The following SLC37A3 variants were observed in gnomAD, a reference collection of about 807,000 sequenced individuals.
SLC37A3 encodes the protein solute carrier family 37 member 3.
In SLC37A3, 51 loss-of-function variants were observed where a neutral mutation model predicts 67.1. That is an observed-to-expected ratio of 0.76 (90% CI 0.61 to 0.96). The LOEUF is 0.96. Among genes scored for constraint, SLC37A3 ranks in the 40% least tolerant of loss-of-function variants. SLC37A3 has a pLI of 0.00. For synonymous variants in SLC37A3, 214 were observed against 231.4 expected, an observed-to-expected ratio of 0.92 and a Z score of 0.68; for missense variants, 508 against 603.0, an observed-to-expected ratio of 0.84 and a Z score of 1.65.
intron 1 of SLC37A3, among the ~76,000 whole-genome samples, chr7:140,396,408 G>A (rs748566857): frequency 6.6e-6 from 1 of 151,968 alleles, no homozygotes; most frequent in East Asian, 1.9e-4. Context: ...TAATTCATCC[G>A]TCTTCCTGTA....
chr7:140,391,019 G>C (rs1798706768), intron 1 of SLC37A3, among the ~76,000 whole-genome samples: 1 of 152,074 alleles, frequency 6.6e-6, no homozygotes, highest in Non-Finnish European at 1.5e-5. Flanking sequence ...TCACTTTTTA[G>C]ATTCAAAACC....
intron 11 of SLC37A3, 109 bp from the exon 12 acceptor site, chr7:140,345,372 C>A: frequency 1.3e-6 from 1 of 776,692 alleles, no homozygotes. Context: ...AAATCACTCC[C>A]AGAGACAACA....
intron 7 of SLC37A3, 41 bp downstream of exon 7, chr7:140,355,626 AG>A: frequency 1.1e-5 from 8 of 710,502 alleles, no homozygotes; most frequent in Non-Finnish European, 1.6e-5. Context: ...ATGTGCACAC[AG>A]AGAGAGAGAG....
At chr7:140,345,522 A>C (rs2117044950) in intron 11 of SLC37A3, among the ~76,000 whole-genome samples, 1 of 152,264 alleles carries the variant, frequency 6.6e-6, no homozygotes, top group South Asian at 2.1e-4. Flanking sequence ...AATATACCAA[A>C]CCTACTAATT....
At position 140,335,358 on chromosome 7, in the gene SLC37A3, G is replaced by C; in HGVS notation, c.*54C>G. The C allele has an allele frequency of 6.2e-7, 1 of 1,614,148 alleles. No homozygotes were observed. The highest frequency in any genetic ancestry group is 8.5e-7 in the Non-Finnish European group (1 of 1,180,032). ...AAACCCAAATTAGGGCAGACTCGAA[G>C]CCCCAGCGGTCCTGATGTGGCTGAC... On this transcript the variant is annotated 3_prime_UTR_variant, in exon 15 of 15. Coordinates refer to ENST00000326232, the MANE Select transcript of SLC37A3 (RefSeq NM_207113.3).
chr7:140,359,303 A>T (rs977134542), intron 5 of SLC37A3, among the ~76,000 whole-genome samples: 1 of 150,900 alleles, frequency 6.6e-6, no homozygotes, highest in Non-Finnish European at 1.5e-5. Context: ...AGATCGTGCC[A>T]CTGCACTCCA....
chr7:140,358,791 A>G lies in SLC37A3; in HGVS notation c.376-6T>C. ...AGCGCACCAAAGACAAACACCTTGA[A>G]GAGGAGGAAACAAAAGGAATATGTA... On this transcript the variant is annotated splice_polypyrimidine_tract_variant and splice_region_variant and intron_variant, in intron 5 of 14. Transcript: ENST00000326232. 1 of 1,614,104 alleles carries G rather than the reference A, an allele frequency of 6.2e-7. No individual in the cohort carries two copies. The highest frequency in any genetic ancestry group is 1.7e-5 in the Admixed American group (1 of 60,010).
chr7:140,349,560 G>C (rs1026982230), intron 9 of SLC37A3, among the ~76,000 whole-genome samples: 1 of 151,926 alleles, frequency 6.6e-6, no homozygotes, highest in Non-Finnish European at 1.5e-5. Flanking sequence ...CAGAGGGGCT[G>C]ACTTCAAAGG....
intron 3 of SLC37A3, among the ~76,000 whole-genome samples, chr7:140,375,412 T>G (rs1259744226): frequency 1.5e-4 from 23 of 150,854 alleles, no homozygotes; most frequent in Admixed American, 1.5e-3. Context: ...GAGGCGGAGG[T>G]TGCAGTGAGC....
intron 9 of SLC37A3, 114 bp from the exon 10 acceptor site, chr7:140,348,881 G>A (rs760493087): frequency 3.0e-5 from 39 of 1,281,876 alleles, no homozygotes; most frequent in Non-Finnish European, 4.2e-5. Flanking sequence ...AACAGAACCT[G>A]ATTTTACAGT....
chr7:140,371,441 G>C (rs1007926192), intron 3 of SLC37A3, among the ~76,000 whole-genome samples: 2 of 152,214 alleles, frequency 1.3e-5, no homozygotes, highest in Admixed American at 6.5e-5. Context: ...CAAAGTGCTG[G>C]GATTACAGGC....
rs776791621 is a variant in SLC37A3, at chr7:140,340,620, C to CT, written c.1326+2791dup. Among the ~76,000 whole-genome samples, 606 of 140,644 alleles carry CT rather than the reference C, an allele frequency of 4.3e-3. 5 individuals are homozygous for CT. The highest frequency in any genetic ancestry group is 0.024 in the East Asian group (116 of 4,880). 92.3% of individuals were successfully genotyped at this position (140,644 alleles called of 152,430 possible). A position where few individuals can be genotyped will look rare whatever the true frequency, so the allele number is the denominator to read the frequency against. ...GGCTCCAAACTGACTGCAACTTTGT[C>CT]TTTTTTTTTTTTTTTAGACAGGGTC... is the stretch of plus-strand genomic sequence containing the variant. On this transcript the variant is annotated intron_variant, in intron 13 of 14. Coordinates refer to ENST00000326232, the MANE Select transcript of SLC37A3 (RefSeq NM_207113.3).
At chr7:140,391,154 T>C (rs1381364123) in intron 1 of SLC37A3, among the ~76,000 whole-genome samples, 1 of 149,278 alleles carries the variant, frequency 6.7e-6, no homozygotes, top group African/African-American at 2.5e-5. Context: ...CTTTCTCTCC[T>C]CCTTCCTCTG....
rs576353642 is a variant in SLC37A3, at chr7:140,334,483, C to G, written c.*929G>C. On this transcript the variant is annotated 3_prime_UTR_variant, in exon 15 of 15. Transcript: ENST00000326232. ...ATTCTAGTCTTCTGCTGAGGTAACTCCAGGAAGCTGCTTGTGCCAGAGATC... is the reference window on the plus strand; with the variant it reads ...ATTCTAGTCTTCTGCTGAGGTAACTGCAGGAAGCTGCTTGTGCCAGAGATC... 6.5e-6 allele frequency: 1 copy of G among 152,690 alleles called. No homozygotes were observed. The highest frequency in any genetic ancestry group is 1.9e-4 in the East Asian group (1 of 5,184). The allele number at this position is 152,690 out of a possible 1,614,324, so 9.5% of individuals were successfully genotyped here. A position where few individuals can be genotyped will look rare whatever the true frequency, so the allele number is the denominator to read the frequency against.
rs1001697077 is a variant in SLC37A3 at position 140,339,339 on chromosome 7, C to T, written c.1327-1990G>A. ...GCAGTGGTGTGATCTTGGCTCACTGCAACCTCCGCCTCCCAGGTTCAAGCG... is the reference window on the plus strand; with the variant it reads ...GCAGTGGTGTGATCTTGGCTCACTGTAACCTCCGCCTCCCAGGTTCAAGCG... On this transcript the variant is annotated intron_variant, in intron 13 of 14. Transcript: ENST00000326232. Among the ~76,000 whole-genome samples, 10 of 148,924 alleles carry T rather than the reference C, an allele frequency of 6.7e-5. No homozygotes were observed. The East Asian group carries it at 1.8e-3, about 27-fold the overall frequency.
chr7:140,356,141 C>T (rs1315239355), intron 6 of SLC37A3, among the ~76,000 whole-genome samples: 1 of 150,932 alleles, frequency 6.6e-6, no homozygotes, highest in Non-Finnish European at 1.5e-5. Flanking sequence ...TTGCAGTAAG[C>T]CGAGATCACG....
At chr7:140,359,539 T>C (rs1175784336) in intron 5 of SLC37A3, among the ~76,000 whole-genome samples, 1 of 152,140 alleles carries the variant, frequency 6.6e-6, no homozygotes, top group Non-Finnish European at 1.5e-5. Flanking sequence ...GCCACTGTTA[T>C]GGCTACAGCT....
intron 1 of SLC37A3, among the ~76,000 whole-genome samples, chr7:140,395,443 C>T (rs1374448484): frequency 2.0e-5 from 3 of 148,230 alleles, no homozygotes; most frequent in South Asian, 4.3e-4. Context: ...TGCGGTGGCT[C>T]ACACCTGTAA....
chr7:140,370,120 A>C (rs564015721), intron 3 of SLC37A3, among the ~76,000 whole-genome samples: 1 of 149,530 alleles, frequency 6.7e-6, no homozygotes, highest in South Asian at 2.1e-4. Flanking sequence ...CAAAAAAACA[A>C]AAAAGAAAAG....
Sources: gnomAD v4.1 joint callset for allele counts (sites outside exome capture counted in the v4.1 genomes callset) on GRCh38, gnomAD v4.1.1 for gene constraint, MANE v1.5 for transcripts, NCBI Gene and HGNC (gene_info 2026-07-23, HGNC 2026-07-21) for gene names.